The following PRKACB variants were observed in gnomAD, a reference collection of about 807,000 sequenced individuals.
PRKACB encodes protein kinase cAMP-activated catalytic subunit beta.
A neutral mutation model predicts 51.4 loss-of-function variants in PRKACB; 16 were observed. The ratio of observed to expected loss-of-function variants is 0.31; its 90% CI spans 0.21 to 0.47. The LOEUF is 0.47. PRKACB is among the 20% of genes least tolerant of loss of function. The pLI is 1.00. For missense variants in PRKACB, 309 were observed against 464.5 expected (o/e 0.67, Z 3.08); for synonymous variants, 147 against 154.4 (o/e 0.95, Z 0.35).
intron 1 of PRKACB, among the ~76,000 whole-genome samples, chr1:84,168,034 C>A (rs753789348): frequency 6.6e-6 from 1 of 151,572 alleles, no homozygotes; most frequent in African/African-American, 2.4e-5. Flanking sequence ...ACTAAAGGAA[C>A]TTCTCTGAAA....
At position 84,146,782 on chromosome 1, in the gene PRKACB, T is replaced by A. The variant is rs376872228; in HGVS notation, c.187+2234T>A. Among the ~76,000 whole-genome samples, 159 of 152,128 alleles carry A rather than the reference T, an allele frequency of 1.0e-3. 2 individuals are homozygous for A. The highest frequency in any genetic ancestry group is 3.7e-3 in the African/African-American group (153 of 41,560). On this transcript the variant is annotated intron_variant, in intron 1 of 9. Coordinates refer to ENST00000370685, the MANE Select transcript of PRKACB (RefSeq NM_182948.4). ...AATGCAGCATGCTTCAATCCAAGTT[T>A]CTTTCGTGTCCAGTGACATTATGTA...
chr1:84,213,191 A>G (rs1293640175), intron 8 of PRKACB, among the ~76,000 whole-genome samples: 1 of 152,160 alleles, frequency 6.6e-6, no homozygotes, highest in African/African-American at 2.4e-5. Context: ...TGTATGTATG[A>G]CAGGGAAGAG....
chr1:84,109,983 C>A (rs563169111), intron 1 of PRKACB, among the ~76,000 whole-genome samples: 1 of 151,688 alleles, frequency 6.6e-6, no homozygotes, highest in Non-Finnish European at 1.5e-5. Context: ...CCTTTGGTAT[C>A]ATGCTTTAAA....
At chr1:84,146,907 T>C (rs1341497918) in intron 1 of PRKACB, among the ~76,000 whole-genome samples, 1 of 152,036 alleles carries the variant, frequency 6.6e-6, no homozygotes, top group African/African-American at 2.4e-5. Flanking sequence ...TAAATAAATA[T>C]GTAACAGCTA....
At chr1:84,118,413 A>C (rs138637665) in intron 1 of PRKACB, among the ~76,000 whole-genome samples, 12 of 152,298 alleles carry the variant, frequency 7.9e-5, no homozygotes, top group Non-Finnish European at 1.5e-5. Flanking sequence ...GTAATTTTCT[A>C]AATAGATAAT....
chr1:84,142,699 T>G (rs191706867), upstream of PRKACB, among the ~76,000 whole-genome samples: 22 of 152,308 alleles, frequency 1.4e-4, no homozygotes, highest in East Asian at 3.3e-3. Flanking sequence ...TATTTATACA[T>G]AAAGCTATAA....
At chr1:84,152,627 T>G (rs1654981041) in intron 1 of PRKACB, among the ~76,000 whole-genome samples, 2 of 152,190 alleles carry the variant, frequency 1.3e-5, no homozygotes, top group Non-Finnish European at 2.9e-5. Context: ...TTCTTTCCTT[T>G]AAACCTCATG....
At chr1:84,173,612 C>T (rs943034241) in intron 1 of PRKACB, among the ~76,000 whole-genome samples, 2 of 151,644 alleles carry the variant, frequency 1.3e-5, no homozygotes, top group Non-Finnish European at 1.5e-5. Context: ...TTACACTTTC[C>T]AGAGATTTTT....
chr1:84,211,086 C>T (rs1475025949), intron 8 of PRKACB, among the ~76,000 whole-genome samples: 2 of 150,804 alleles, frequency 1.3e-5, no homozygotes, highest in Non-Finnish European at 3.0e-5. Context: ...GTTCCCAAAT[C>T]GTTCTGATAT....
chr1:84,225,379 G>T (rs1383186915), intron 9 of PRKACB, among the ~76,000 whole-genome samples: 1 of 152,106 alleles, frequency 6.6e-6, no homozygotes, highest in Non-Finnish European at 1.5e-5. Context: ...TTGGCTTCCG[G>T]CCCCAGAAAC....
chr1:84,197,618 T>C (rs1668569626), intron 6 of PRKACB, 111 bp from the exon 7 acceptor site: 4 of 672,712 alleles, frequency 5.9e-6, no homozygotes, highest in Non-Finnish European at 9.5e-6. Context: ...TAATTTTTTT[T>C]CCATTTCTTT....
chr1:84,168,258 T>C (rs1011915379), intron 1 of PRKACB, among the ~76,000 whole-genome samples: 1 of 151,738 alleles, frequency 6.6e-6, no homozygotes, highest in Admixed American at 6.6e-5. Context: ...CTCTCTGAGA[T>C]CACATGACGT....
intron 1 of PRKACB, among the ~76,000 whole-genome samples, chr1:84,138,214 A>G (rs1283764300): frequency 1.3e-5 from 2 of 152,214 alleles, no homozygotes; most frequent in African/African-American, 4.8e-5. Flanking sequence ...GCTCAAACAC[A>G]TACACAGGTG....
Position 84,218,025 on chromosome 1 carries a change from A to G in PRKACB, c.1071+3708A>G, listed in dbSNP as rs145683792. On this transcript the variant is annotated intron_variant, in intron 9 of 9. Transcript: ENST00000370685. ...GAACTTTTTAAATTTTTATTGCTGC[A>G]TACTATTTTTATATATTCATGAAGT... Among the ~76,000 whole-genome samples the G allele has an allele frequency of 3.4e-3, 512 of 152,246 alleles. 2 individuals are homozygous for G. Among genetic ancestry groups the G allele is most frequent in the African/African-American group, 0.012 (480 of 41,536 alleles).
chr1:84,104,591 A>G (rs1463778564), intron 1 of PRKACB, among the ~76,000 whole-genome samples: 1 of 152,058 alleles, frequency 6.6e-6, no homozygotes, highest in Non-Finnish European at 1.5e-5. Flanking sequence ...TTACATTCTC[A>G]CTAAAAGTAT....
intron 1 of PRKACB, among the ~76,000 whole-genome samples, chr1:84,096,827 C>A (rs1648961085): frequency 6.6e-6 from 1 of 151,902 alleles, no homozygotes; most frequent in African/African-American, 2.4e-5. Flanking sequence ...AAATGAATTC[C>A]TCATATAATC....
At chr1:84,229,620 C>T (rs986183072) in intron 9 of PRKACB, among the ~76,000 whole-genome samples, 4 of 151,800 alleles carry the variant, frequency 2.6e-5, no homozygotes, top group Admixed American at 2.0e-4. Flanking sequence ...TAATGTTTGC[C>T]ATTCTAACTG....
chr1:84,118,353 A>G (rs534160617), intron 1 of PRKACB, among the ~76,000 whole-genome samples: 1 of 152,160 alleles, frequency 6.6e-6, no homozygotes, highest in Admixed American at 6.6e-5. Flanking sequence ...TGGAGAGAGC[A>G]GGTGTCTCAC....
intron 1 of PRKACB, among the ~76,000 whole-genome samples, chr1:84,155,301 A>G (rs2100664131): frequency 6.6e-6 from 1 of 152,332 alleles, no homozygotes; most frequent in South Asian, 2.1e-4. Context: ...AATGCATAGG[A>G]ATAACTTTAA....
Sources: allele counts gnomAD v4.1 joint callset (sites outside exome capture counted in the v4.1 genomes callset), GRCh38; gene constraint gnomAD v4.1.1; transcripts MANE v1.5; gene names NCBI Gene and HGNC (gene_info 2026-07-23, HGNC 2026-07-21).